ZNF311: variants seen among roughly 807,000 people sequenced by gnomAD.
The protein encoded by ZNF311 is zinc finger protein zfp31.
ZNF311 carries 14 observed loss-of-function variants against 22.7 expected under a neutral mutation model. The ratio of observed to expected loss-of-function variants is 0.62; its 90% CI spans 0.41 to 0.96. The LOEUF (loss-of-function observed/expected upper bound fraction) is 0.96. ZNF311 is among the 40% of genes least tolerant of loss of function. The pLI is 0.00. For synonymous variants in ZNF311, 250 were observed against 275.3 expected (o/e 0.91, Z 0.91); for missense variants, 731 against 799.0 (o/e 0.91, Z 1.03).
In ZNF311 at chr6:28,995,225, G is replaced by A. The variant is rs566459714; in HGVS notation, c.1777C>T (p.Arg593Cys). Residue 593 changes from arginine to cysteine, a missense_variant, in exon 7 of 7, where the codon CGT (arginine) becomes TGT (cysteine). Transcript: ENST00000377179. This position sits in a 1 kb window ranked among gnomAD's most constrained non-coding sequence, Gnocchi z 4.7. ...TGTCCAATCAGAGCTGAGCCCTGAC[G>A]GAAGGACGTGCCACACTCACTGCAG... The part of the protein sequence containing the change: ...YTCSECGTSF[R>C]QGSALIGHKR... The A allele has an allele frequency of 9.9e-6, 16 of 1,614,064 alleles. No individual in the cohort carries two copies. Among genetic ancestry groups the A allele is most frequent in the Middle Eastern group, 1.6e-4 (1 of 6,062 alleles).
intron 5 of ZNF311, 93 bp downstream of exon 5, chr6:28,999,394 T>C: frequency 8.2e-7 from 1 of 1,218,158 alleles, no homozygotes; most frequent in Non-Finnish European, 1.1e-6. Flanking sequence ...ATAAGGACTC[T>C]TTCAATATGA....
Position 28,996,215 on chromosome 6 carries a change from T to C in ZNF311, c.787A>G (p.Ile263Val), listed in dbSNP as rs1779559200. The C allele has an allele frequency of 6.2e-7, 1 of 1,613,428 alleles. No homozygotes were observed. Among genetic ancestry groups the C allele is most frequent in the Non-Finnish European group, 8.5e-7 (1 of 1,180,038 alleles). Residue 263 changes from isoleucine to valine, a missense_variant, in exon 7 of 7, where the codon ATT becomes GTT. Physicochemically the swap from Ile to Val is conservative, Grantham distance 29. Transcript: ENST00000377179. Reference protein sequence around the residue: ...GKNFSWHSDLILHEQIHSGEK... With the variant: ...GKNFSWHSDLVLHEQIHSGEK... The stretch of plus-strand genomic sequence containing the variant: ...CCAGAATGAATTTGCTCATGGAGAA[T>C]TAGATCTGAGTGCCAACTGAAGTTT...
intron 1 of ZNF311, among the ~76,000 whole-genome samples, chr6:29,004,438 C>CTTTTTTTTTTT (rs1419719910): frequency 3.3e-5 from 1 of 30,060 alleles, no homozygotes; most frequent in Non-Finnish European, 5.0e-5. Flanking sequence ...TGCCTTCCTC[C>CTTTTTTTTTTT]TTTCTTTTTT....
chr6:28,996,032 T>G lies in ZNF311; in HGVS notation c.970A>C (p.Thr324Pro). 6.2e-7 allele frequency: 1 copy of G among 1,613,406 alleles called. No homozygotes were observed. Among genetic ancestry groups the G allele is most frequent in the Non-Finnish European group, 8.5e-7 (1 of 1,180,012 alleles). ...SRSALCRHKK[T>P]HSGEKPHECR... is the part of the protein sequence containing the mutation. ...TCGTGAGGCTTCTCCCCACTGTGGG[T>G]TTTTTTATGTCGGCAAAGAGCTGAT... The change falls in exon 7 of 7, where the codon ACC (threonine) becomes CCC (proline). Residue 324 changes from threonine (T) to proline (P), a missense_variant. Transcript: ENST00000377179.
At position 28,995,178 on chromosome 6, in the gene ZNF311, C is replaced by T. The variant is rs1779292380; in HGVS notation, c.1824G>A (p.Glu608=). The T allele has an allele frequency of 6.2e-7, 1 of 1,613,990 alleles. No individual in the cohort carries two copies. Among genetic ancestry groups the T allele is most frequent in the Non-Finnish European group, 8.5e-7 (1 of 1,180,050 alleles). ...CACATTCCTCACATTCATAAGGTTTCTCCCCAGTATGAACTCGCTTATGTC... is the reference window on the plus strand; with the variant it reads ...CACATTCCTCACATTCATAAGGTTTTTCCCCAGTATGAACTCGCTTATGTC... ...LIGHKRVHTG[E]KPYECEECGK... The change falls in exon 7 of 7, where the codon GAG becomes GAA. Residue 608 remains glutamate, a synonymous_variant. Coordinates refer to ENST00000377179, the MANE Select transcript of ZNF311 (RefSeq NM_001382360.1). This position sits in a 1 kb window ranked among gnomAD's most constrained non-coding sequence, Gnocchi z 4.7.
chr6:28,995,916 G>A lies in ZNF311; in HGVS notation c.1086C>T (p.Asn362=). 6.2e-7 allele frequency: 1 copy of A among 1,613,756 alleles called. No homozygotes were observed. Among genetic ancestry groups the A allele is most frequent in the Non-Finnish European group, 8.5e-7 (1 of 1,179,972 alleles). The change falls in exon 7 of 7, where the codon AAC becomes AAT. Residue 362 remains asparagine (N), a synonymous_variant. Coordinates refer to ENST00000377179, the MANE Select transcript of ZNF311 (RefSeq NM_001382360.1). This position sits in a 1 kb window ranked among gnomAD's most constrained non-coding sequence, Gnocchi z 4.7. ...IHTGEKPYKC[N]CCGKAFQFKH... ...TAAACTGGAAGGCCTTCCCACAGCA[G>A]TTACATTTGTAAGGCTTCTCCCCGG...
At position 29,003,538 on chromosome 6, in the gene ZNF311, C is replaced by G; in HGVS notation, c.66G>C (p.Gln22His). 3.1e-6 allele frequency: 5 copies of G among 1,613,054 alleles called. No homozygotes were observed. The highest frequency in any genetic ancestry group is 4.2e-6 in the Non-Finnish European group (5 of 1,180,026). ...CGCTTTCCTGAGGGAGCTGGGTATC[C>G]TGGCGGGTCCAAAGCAGCTGGCTTG... is the stretch of plus-strand genomic sequence containing the variant. The part of the protein sequence containing the change: ...GPPSQLLWTR[Q>H]DTQLPQESAL... The change falls in exon 3 of 7, where the codon CAG (glutamine) becomes CAC (histidine). Residue 22 changes from glutamine (Q) to histidine (H), a missense_variant. Transcript: ENST00000377179.
chr6:28,996,705 T>C, intron 6 of ZNF311, 119 bp from the exon 7 acceptor site: 3 of 1,139,300 alleles, frequency 2.6e-6, no homozygotes, highest in African/African-American at 1.6e-5. Flanking sequence ...TTACTAACGT[T>C]GTGGCCAAAA....
chr6:29,004,315 TC>T, intron 1 of ZNF311, 101 bp from the exon 2 acceptor site: 1 of 763,034 alleles, frequency 1.3e-6, no homozygotes, highest in Non-Finnish European at 1.8e-6. Flanking sequence ...TGTGAACATA[TC>T]CAGAATACAA....
In ZNF311 at chr6:28,995,365, C is replaced by T. The variant is rs369718686; in HGVS notation, c.1637G>A (p.Arg546Gln). The part of the protein sequence containing the change: ...FSGKSNLTNH[R>Q]RIHTGEKPHK... ...AGGCTTCTCTCCAGTGTGAATTCTTCGATGATTGGTCAAGTTTGACTTCCC... is the reference window on the plus strand; with the variant it reads ...AGGCTTCTCTCCAGTGTGAATTCTTTGATGATTGGTCAAGTTTGACTTCCC... Residue 546 changes from arginine (R) to glutamine (Q), a missense_variant, in exon 7 of 7, where the codon CGA (arginine) becomes CAA (glutamine). Coordinates refer to ENST00000377179, the MANE Select transcript of ZNF311 (RefSeq NM_001382360.1). The surrounding 1 kb of genome is among the most constrained non-coding windows in gnomAD (Gnocchi z 4.7). The T allele has an allele frequency of 7.4e-6, 12 of 1,613,972 alleles. No homozygotes were observed. The highest frequency in any genetic ancestry group is 2.7e-5 in the African/African-American group (2 of 75,014).
chr6:29,003,899 T>G, intron 2 of ZNF311, 47 bp downstream of exon 2: 1 of 1,612,788 alleles, frequency 6.2e-7, no homozygotes, highest in Non-Finnish European at 8.5e-7. Context: ...TGGACTCACT[T>G]CTCCTTCTTC....
At chr6:28,999,853 C>A (rs1208622571) in intron 4 of ZNF311, 103 bp downstream of exon 4, 11 of 1,334,774 alleles carry the variant, frequency 8.2e-6, no homozygotes, top group Non-Finnish European at 1.2e-5. Context: ...AGAGGGAGAA[C>A]ATTGATTTAG....
Position 28,995,502 on chromosome 6 carries a change from T to C in ZNF311, c.1500A>G (p.Gln500=), listed in dbSNP as rs150648543. Residue 500 remains glutamine (Q), a synonymous_variant, in exon 7 of 7, where the codon CAA becomes CAG. Transcript: ENST00000377179. The surrounding 1 kb of genome is among the most constrained non-coding windows in gnomAD (Gnocchi z 4.7). ...EREHTGEKPY[Q]CRDCGKTFQD... ...GGAAGGTTTTCCCACAATCCCTGCA[T>C]TGATAGGGCTTCTCCCCTGTATGCT... 1.1e-3 allele frequency: 1,813 copies of C among 1,613,128 alleles called. 4 individuals are homozygous for C. The highest frequency in any genetic ancestry group is 1.3e-3 in the Non-Finnish European group (1,578 of 1,179,608).
chr6:28,997,622 C>A (rs1160728150), intron 6 of ZNF311, among the ~76,000 whole-genome samples: 1 of 152,162 alleles, frequency 6.6e-6, no homozygotes, highest in Non-Finnish European at 1.5e-5. Flanking sequence ...CTCTGAAAAT[C>A]AAGTCTAATC....
At chr6:28,998,877 T>C (rs1385664925) in intron 5 of ZNF311, 39 bp from the exon 6 acceptor site, 3 of 1,411,808 alleles carry the variant, frequency 2.1e-6, no homozygotes, top group Admixed American at 1.7e-5. Flanking sequence ...GAGTAACTTA[T>C]AACTTAATAA....
At chr6:28,999,342 C>G in intron 5 of ZNF311, 145 bp downstream of exon 5, 2 of 821,170 alleles carry the variant, frequency 2.4e-6, no homozygotes, top group Non-Finnish European at 3.3e-6. Flanking sequence ...ATAGAGGCAA[C>G]TCAAAACTCT....
rs551134058 is a variant in ZNF311 at position 29,004,062 on chromosome 6, C to A, written c.-108G>T. 5.2e-5 allele frequency: 84 copies of A among 1,610,604 alleles called. No homozygotes were observed. The East Asian group carries it at 1.8e-3, about 35-fold the overall frequency. ...GTGAAGTGGCTCCAGTTGATGCCAG[C>A]CTCCTTTGGAGAACACATGTTTTGG... On this transcript the variant is annotated 5_prime_UTR_variant, in exon 2 of 7. Transcript: ENST00000377179.
chr6:28,999,953 C>T lies in ZNF311; in HGVS notation c.183+3G>A, dbSNP rs1181949943. 2 of 1,612,210 alleles carry T rather than the reference C, an allele frequency of 1.2e-6. No homozygotes were observed. The highest frequency in any genetic ancestry group is 1.7e-6 in the Non-Finnish European group (2 of 1,179,432). ...AAGGAGGAGGAAAGGGGCCTCAGCT[C>T]ACTTGGGCCTGGCTCATTAGTGTGA... On this transcript the variant is annotated splice_donor_region_variant and intron_variant, in intron 4 of 6. Coordinates refer to ENST00000377179, the MANE Select transcript of ZNF311 (RefSeq NM_001382360.1).
chr6:29,000,502 A>G (rs1299376969), intron 3 of ZNF311, among the ~76,000 whole-genome samples: 4 of 152,216 alleles, frequency 2.6e-5, no homozygotes, highest in Non-Finnish European at 4.4e-5. Flanking sequence ...TATGTGTTGA[A>G]CAGAAGCATC....
Sources: allele counts gnomAD v4.1 joint callset (sites outside exome capture counted in the v4.1 genomes callset), GRCh38; gene constraint gnomAD v4.1.1; non-coding constraint Gnocchi (gnomAD v3.1); transcripts MANE v1.5; gene names NCBI Gene and HGNC (gene_info 2026-07-23, HGNC 2026-07-21).